SHPK: variants seen among roughly 807,000 people sequenced by gnomAD.
SHPK encodes sedoheptulokinase.
SHPK carries 51 observed loss-of-function variants against 46.3 expected under a neutral mutation model. The ratio of observed to expected loss-of-function variants is 1.10; its 90% CI spans 0.88 to 1.39. SHPK has a LOEUF of 1.39. Ranked by LOEUF, SHPK falls within the 40% of genes most tolerant of loss-of-function variation. SHPK has a pLI of 0.00. For synonymous variants in SHPK, 290 were observed against 273.9 expected, an observed-to-expected ratio of 1.06 and a Z score of -0.58; for missense variants, 668 against 641.3, an observed-to-expected ratio of 1.04 and a Z score of -0.45.
At chr17:3,611,143 C>T (rs1271580454) in intron 6 of SHPK, among the ~76,000 whole-genome samples, 171 bp from the exon 7 acceptor site, 6 of 152,200 alleles carry the variant, frequency 3.9e-5, no homozygotes, top group Non-Finnish European at 7.4e-5. Context: ...TACACTCTGC[C>T]CTGGATCCCC....
Position 3,621,229 on chromosome 17 carries a change from A to C in SHPK, c.823+8T>G. The C allele has an allele frequency of 6.3e-7, 1 of 1,598,912 alleles. No individual in the cohort carries two copies. Among genetic ancestry groups the C allele is most frequent in the Non-Finnish European group, 8.5e-7 (1 of 1,172,820 alleles). ...TAAGTCTGAGGACAGAACAAAAGAA[A>C]AACTTACCTGCATCTGTCCTCTGGG... On this transcript the variant is annotated splice_region_variant and intron_variant, in intron 5 of 6. Coordinates refer to ENST00000225519, the MANE Select transcript of SHPK (RefSeq NM_013276.4).
At chr17:3,626,687 A>T (rs2075439657) in intron 2 of SHPK, among the ~76,000 whole-genome samples, 1 of 147,108 alleles carries the variant, frequency 6.8e-6, no homozygotes, top group African/African-American at 2.5e-5. Flanking sequence ...GCGCCACTGC[A>T]CTCCAGCTTG....
chr17:3,616,877 A>ACAGG (rs1002060678), intron 5 of SHPK, among the ~76,000 whole-genome samples: 71 of 152,190 alleles, frequency 4.7e-4, no homozygotes, highest in African/African-American at 1.7e-3. Context: ...AGCTGGGATT[A>ACAGG]CAGGCATGCG....
At chr17:3,623,526 A>C in intron 3 of SHPK, 35 bp from the exon 4 acceptor site, 2 of 1,610,536 alleles carry the variant, frequency 1.2e-6, no homozygotes, top group Non-Finnish European at 1.7e-6. Context: ...AACACGGTAT[A>C]ACATGAACTC....
At chr17:3,636,023 G>T in intron 1 of SHPK, 29 bp downstream of exon 1, 1 of 1,513,820 alleles carries the variant, frequency 6.6e-7, no homozygotes, top group Non-Finnish European at 8.8e-7. Flanking sequence ...GGCTCCTGGA[G>T]GCGGCGCGGC....
At chr17:3,630,081 C>T (rs915888386) in intron 2 of SHPK, 124 bp downstream of exon 2, 1 of 1,263,214 alleles carries the variant, frequency 7.9e-7, no homozygotes, top group African/African-American at 1.5e-5. Flanking sequence ...TCGTCCACTC[C>T]AAGAAACAAG....
At chr17:3,621,928 C>A (rs1015566212) in intron 4 of SHPK, among the ~76,000 whole-genome samples, 2 of 151,900 alleles carry the variant, frequency 1.3e-5, no homozygotes, top group Non-Finnish European at 2.9e-5. Context: ...GCTGGGATTA[C>A]AGGCGCGACC....
In SHPK at chr17:3,630,207, T is replaced by C. The variant is rs1326235830; in HGVS notation, c.308A>G (p.Gln103Arg). The change falls in exon 2 of 7, where the codon CAA becomes CGA. Residue 103 changes from glutamine to arginine, a missense_variant and splice_region_variant. By Grantham distance (43) the Gln-to-Arg change is conservative. Coordinates refer to ENST00000225519, the MANE Select transcript of SHPK (RefSeq NM_013276.4). The stretch of plus-strand genomic sequence containing the variant: ...GAGCATCCCCGAGCCCAGCATACCT[T>C]GGCCTGTTTTCCAAAACACGACTCC... Reference protein sequence around the residue: ...MHGVVFWKTGQGCEWTEGGIT... With the variant: ...MHGVVFWKTGRGCEWTEGGIT... The C allele has an allele frequency of 2.5e-6, 4 of 1,613,688 alleles. No individual in the cohort carries two copies. Among genetic ancestry groups the C allele is most frequent in the Non-Finnish European group, 3.4e-6 (4 of 1,179,882 alleles).
chr17:3,635,971 G>A, intron 1 of SHPK, 81 bp downstream of exon 1: 1 of 1,335,834 alleles, frequency 7.5e-7, no homozygotes, highest in Non-Finnish European at 1.0e-6. Flanking sequence ...TGCGGGAAGG[G>A]CTGTCAGGGA....
chr17:3,629,787 A>G (rs1245834060), intron 2 of SHPK, among the ~76,000 whole-genome samples: 1 of 151,790 alleles, frequency 6.6e-6, no homozygotes, highest in Non-Finnish European at 1.5e-5. Context: ...ATATGTAAAC[A>G]ACGACAAATG....
intron 5 of SHPK, among the ~76,000 whole-genome samples, chr17:3,617,612 C>T (rs533454493): frequency 6.6e-6 from 1 of 152,068 alleles, no homozygotes; most frequent in Admixed American, 6.6e-5. Context: ...GTGAATCTTA[C>T]CAAAAATAAT....
intron 5 of SHPK, among the ~76,000 whole-genome samples, chr17:3,617,943 T>C (rs1176948786): frequency 6.6e-6 from 1 of 152,184 alleles, no homozygotes; most frequent in Non-Finnish European, 1.5e-5. Flanking sequence ...ATGAAAGATA[T>C]CCCTGTTTGG....
chr17:3,619,288 C>A lies in SHPK; in HGVS notation c.823+1949G>T. On this transcript the variant is annotated intron_variant, in intron 5 of 6. Transcript: ENST00000225519. ...GAAGCTGCTTTTTCAATAAACGTGG[C>A]CAGCTTCACATCTCTTTTGATCAGT... 4.7e-6 allele frequency: 4 copies of A among 850,410 alleles called. No homozygotes were observed. In the South Asian group the frequency reaches 5.6e-5, roughly 12 times the overall value. 52.7% of individuals were successfully genotyped at this position (850,410 alleles called of 1,614,324 possible).
chr17:3,630,657 G>A (rs1383197024), intron 1 of SHPK, among the ~76,000 whole-genome samples: 2 of 152,158 alleles, frequency 1.3e-5, no homozygotes, highest in South Asian at 2.1e-4. Flanking sequence ...TCAGGAGTTC[G>A]AGACCAGCCT....
At chr17:3,624,889 AG>A (rs1236720690) in intron 2 of SHPK, among the ~76,000 whole-genome samples, 1 of 152,162 alleles carries the variant, frequency 6.6e-6, no homozygotes, top group Non-Finnish European at 1.5e-5. Flanking sequence ...TCCTGAGCTC[AG>A]GCAATCCACC....
chr17:3,621,091 G>T (rs2075397362), intron 5 of SHPK, 146 bp downstream of exon 5: 6 of 703,416 alleles, frequency 8.5e-6, no homozygotes, highest in Non-Finnish European at 1.3e-5. Context: ...GCAAGGACAA[G>T]GGTGCTTTTC....
Position 3,630,333 on chromosome 17 carries a change from T to C in SHPK, c.182A>G (p.Asp61Gly), listed in dbSNP as rs2075463217. 3.7e-6 allele frequency: 6 copies of C among 1,610,790 alleles called. No individual in the cohort carries two copies. The highest frequency in any genetic ancestry group is 5.1e-6 in the Non-Finnish European group (6 of 1,178,174). The change falls in exon 2 of 7, where the codon GAT becomes GGT. Residue 61 changes from aspartate to glycine, a missense_variant. Transcript: ENST00000225519. ...AVAGPQGREQ[D>G]VSRILQALHE... ...TAGGGCTTGGAGGATTCTACTCACATCCTGCTCCCGCCCCTGGAAGCAAAA... is the reference window on the plus strand; with the variant it reads ...TAGGGCTTGGAGGATTCTACTCACACCCTGCTCCCGCCCCTGGAAGCAAAA...
At chr17:3,629,560 T>A (rs1201837123) in intron 2 of SHPK, among the ~76,000 whole-genome samples, 1 of 151,808 alleles carries the variant, frequency 6.6e-6, no homozygotes, top group African/African-American at 2.4e-5. Context: ...AAACCCCGTC[T>A]CTACTAAAAA....
intron 4 of SHPK, among the ~76,000 whole-genome samples, chr17:3,622,861 C>T (rs1485352916): frequency 5.3e-5 from 8 of 152,116 alleles, no homozygotes; most frequent in Middle Eastern, 6.8e-3. Context: ...CACTCCACCA[C>T]GCCCAGCTAA....
Sources: gnomAD v4.1 joint callset for allele counts (sites outside exome capture counted in the v4.1 genomes callset) on GRCh38, gnomAD v4.1.1 for gene constraint, MANE v1.5 for transcripts, NCBI Gene and HGNC (gene_info 2026-07-23, HGNC 2026-07-21) for gene names.